Variants in SKI observed in about 807,000 individuals in gnomAD.
SKI encodes the protein ski oncogene.
A neutral mutation model predicts 59.3 loss-of-function variants in SKI; 23 were observed. The ratio of observed to expected loss-of-function variants is 0.39; its 90% CI spans 0.28 to 0.55. SKI has a LOEUF of 0.55. SKI is among the 20% of genes least tolerant of loss of function. The probability of loss-of-function intolerance (pLI) is 0.67; values close to 1 mark genes in which losing one functional copy is unlikely to be tolerated. For missense variants in SKI, 1,017 were observed against 1,038.9 expected, an observed-to-expected ratio of 0.98 and a Z score of 0.29; for synonymous variants, 673 against 488.6, an observed-to-expected ratio of 1.38 and a Z score of -4.98.
At chr1:2,273,274 C>A (rs1036851042) in intron 1 of SKI, among the ~76,000 whole-genome samples, 2 of 152,188 alleles carry the variant, frequency 1.3e-5, no homozygotes, top group African/African-American at 4.8e-5. Flanking sequence ...GGAAAGACAG[C>A]AGCTGTGGGG....
intron 1 of SKI, among the ~76,000 whole-genome samples, chr1:2,237,398 A>C (rs1205899354): frequency 6.6e-6 from 1 of 152,128 alleles, no homozygotes. Flanking sequence ...CTTTGATGTC[A>C]GTCTTCTTCT....
rs572568859 is a variant in SKI, at chr1:2,252,093, C to T, written c.969+22358C>T. On this transcript the variant is annotated intron_variant, in intron 1 of 6. Transcript: ENST00000378536. ...GTTTCCTGCCAGGTCTCTGTGCACC[C>T]CCCGGTGAGAGATCTGAGGAGGAGG... is the stretch of plus-strand genomic sequence containing the variant. Among the ~76,000 whole-genome samples, 3 of 152,302 alleles carry T rather than the reference C, an allele frequency of 2.0e-5. No individual in the cohort carries two copies. In the East Asian group the frequency reaches 5.8e-4, roughly 29 times the overall value.
chr1:2,258,837 G>A (rs894612173), intron 1 of SKI, among the ~76,000 whole-genome samples: 13 of 152,148 alleles, frequency 8.5e-5, no homozygotes, highest in Non-Finnish European at 1.6e-4. Flanking sequence ...GTGAGCCACC[G>A]TGCCTGGCGG....
chr1:2,234,214 C>T (rs958563946), intron 1 of SKI, among the ~76,000 whole-genome samples: 1 of 152,170 alleles, frequency 6.6e-6, no homozygotes, highest in East Asian at 1.9e-4. Context: ...GACCTCTGCC[C>T]ACCCCAGCTG....
chr1:2,298,641 T>C (rs982355337), intron 1 of SKI, among the ~76,000 whole-genome samples: 4 of 152,214 alleles, frequency 2.6e-5, no homozygotes, highest in African/African-American at 9.7e-5. Flanking sequence ...GGCTGAAAAC[T>C]CACAGGCAGG....
In SKI at chr1:2,308,068, T is replaced by C. The variant is rs1569872930; in HGVS notation, c.*1303T>C. On this transcript the variant is annotated 3_prime_UTR_variant, in exon 7 of 7. Coordinates refer to ENST00000378536, the MANE Select transcript of SKI (RefSeq NM_003036.4). ...TTTACTCTCACCTGTTTATGCAAAT[T>C]GTATAAGGTTTCTTATGCCCAAGCT... 6.6e-6 allele frequency: 1 copy of C among 152,396 alleles called. No individual in the cohort carries two copies. The highest frequency in any genetic ancestry group is 1.9e-4 in the East Asian group (1 of 5,200). The allele number at this position is 152,396 out of a possible 1,614,324, so 9.4% of individuals were successfully genotyped here. A position where few individuals can be genotyped will look rare whatever the true frequency, so the allele number is the denominator to read the frequency against.
At chr1:2,248,576 T>C (rs1235652829) in intron 1 of SKI, among the ~76,000 whole-genome samples, 2 of 152,126 alleles carry the variant, frequency 1.3e-5, no homozygotes, top group Non-Finnish European at 2.9e-5. Context: ...ACAGGCAGCC[T>C]TTGACCTGAG....
intron 1 of SKI, among the ~76,000 whole-genome samples, chr1:2,242,346 GAGA>G (rs1431002207): frequency 6.6e-6 from 1 of 152,174 alleles, no homozygotes; most frequent in African/African-American, 2.4e-5. Flanking sequence ...TGGGTTGGGG[GAGA>G]AGTACAGTGT....
rs929919361 is a variant in SKI, at chr1:2,270,882, C to T, written c.970-32096C>T. On this transcript the variant is annotated intron_variant, in intron 1 of 6. Coordinates refer to ENST00000378536, the MANE Select transcript of SKI (RefSeq NM_003036.4). The surrounding 1 kb of genome is among the most constrained non-coding windows in gnomAD (Gnocchi z 4.1). The stretch of plus-strand genomic sequence containing the variant: ...TTGTCCCTCTCCTGCCCCAGGGCAC[C>T]TGGCCCTGTCCCGGGCCACCCCAGG... 2.0e-5 allele frequency among the ~76,000 whole-genome samples: 3 copies of T among 152,228 alleles called. No individual in the cohort carries two copies. The highest frequency in any genetic ancestry group is 7.2e-5 in the African/African-American group (3 of 41,464).
At chr1:2,304,721 G>A in intron 5 of SKI, 136 bp downstream of exon 5, 1 of 1,390,830 alleles carries the variant, frequency 7.2e-7, no homozygotes. Context: ...ACCTCAGTGG[G>A]CCTGCCTGGG....
rs1640468374 is a variant in SKI at position 2,303,097 on chromosome 1, C to A, written c.1089C>A (p.Ser363=). 1 of 1,613,306 alleles carries A rather than the reference C, an allele frequency of 6.2e-7. No homozygotes were observed. The highest frequency in any genetic ancestry group is 1.7e-5 in the Admixed American group (1 of 60,030). The change falls in exon 2 of 7, where the codon TCC becomes TCA. Residue 363 remains serine (S), a synonymous_variant. Transcript: ENST00000378536. The surrounding 1 kb of genome is among the most constrained non-coding windows in gnomAD (Gnocchi z 5.6). ...SSWLRTLAGS[S]NKSLGCVHPR... ...GGCTGCGGACCTTGGCCGGCTCTTC[C>A]AATAAGGTGCTGTGGGGCCTGTCGG...
At chr1:2,232,840 TG>T (rs775189326) in intron 1 of SKI, among the ~76,000 whole-genome samples, 1 of 152,162 alleles carries the variant, frequency 6.6e-6, no homozygotes, top group Non-Finnish European at 1.5e-5. Flanking sequence ...ATGTTTTGAG[TG>T]GTACAGGTGG....
intron 1 of SKI, among the ~76,000 whole-genome samples, chr1:2,239,068 G>A (rs1205551384): frequency 6.6e-6 from 1 of 152,146 alleles, no homozygotes; most frequent in Non-Finnish European, 1.5e-5. Flanking sequence ...CGCCTTTCCT[G>A]GCTACAACCC....
chr1:2,229,507 C>T lies in SKI; in HGVS notation c.741C>T (p.Cys247=), dbSNP rs1233598515. The T allele has an allele frequency of 6.2e-7, 1 of 1,611,656 alleles. No homozygotes were observed. The highest frequency in any genetic ancestry group is 1.1e-5 in the South Asian group (1 of 91,082). ...GCCCGAGCGCCGCCTGCATCCAGTG[C>T]CTGGACTGCCGCCTCATGTACCCGC... ...YSSPSAACIQ[C]LDCRLMYPPH... Residue 247 remains cysteine, a synonymous_variant, in exon 1 of 7, where the codon TGC becomes TGT. Coordinates refer to ENST00000378536, the MANE Select transcript of SKI (RefSeq NM_003036.4). The surrounding 1 kb of genome is among the most constrained non-coding windows in gnomAD (Gnocchi z 6.3).
chr1:2,300,706 G>A lies in SKI; in HGVS notation c.970-2272G>A, dbSNP rs141159560. ...CTGCAGAGAGCCCGCCCTGAGAGCCGGGAGTCGCCTGATGAGGGGTCGGCA... is the reference window on the plus strand; with the variant it reads ...CTGCAGAGAGCCCGCCCTGAGAGCCAGGAGTCGCCTGATGAGGGGTCGGCA... On this transcript the variant is annotated intron_variant, in intron 1 of 6. Transcript: ENST00000378536. Among the ~76,000 whole-genome samples, 388 of 152,302 alleles carry A rather than the reference G, an allele frequency of 2.5e-3. 1 individual carries two copies. The highest frequency in any genetic ancestry group is 4.0e-3 in the Non-Finnish European group (270 of 68,018).
Position 2,270,992 on chromosome 1 carries a change from C to A in SKI, c.970-31986C>A, listed in dbSNP as rs376575175. On this transcript the variant is annotated intron_variant, in intron 1 of 6. Coordinates refer to ENST00000378536, the MANE Select transcript of SKI (RefSeq NM_003036.4). The surrounding 1 kb of genome is among the most constrained non-coding windows in gnomAD (Gnocchi z 4.1). Reference sequence around the variant, plus strand: ...GCAAGTGCCTGGCCTCAGGCCTGGGCTGTGGGGATGACTGAGGCCCAGTGA... The same window carrying A: ...GCAAGTGCCTGGCCTCAGGCCTGGGATGTGGGGATGACTGAGGCCCAGTGA... 2.4e-4 allele frequency among the ~76,000 whole-genome samples: 36 copies of A among 152,364 alleles called. No individual in the cohort carries two copies. Among genetic ancestry groups the A allele is most frequent in the African/African-American group, 8.4e-4 (35 of 41,598 alleles).
intron 1 of SKI, among the ~76,000 whole-genome samples, chr1:2,230,135 T>G (rs1263798870): frequency 6.6e-6 from 1 of 152,126 alleles, no homozygotes; most frequent in Admixed American, 6.5e-5. Flanking sequence ...GCCCAGGTCT[T>G]TCTTGGGGTT....
chr1:2,249,346 C>A (rs1639070153), intron 1 of SKI, among the ~76,000 whole-genome samples: 1 of 152,238 alleles, frequency 6.6e-6, no homozygotes. Context: ...GCGTTGCCGG[C>A]CACGCAGACA....
At chr1:2,231,278 G>A (rs551926887) in intron 1 of SKI, among the ~76,000 whole-genome samples, 1 of 152,250 alleles carries the variant, frequency 6.6e-6, no homozygotes, top group South Asian at 2.1e-4. Flanking sequence ...TGTGGCCAAG[G>A]CCTGAGCTGC....
Sources: gnomAD v4.1 joint callset for allele counts (sites outside exome capture counted in the v4.1 genomes callset) on GRCh38, gnomAD v4.1.1 for gene constraint, Gnocchi (gnomAD v3.1) non-coding constraint, MANE v1.5 for transcripts, NCBI Gene and HGNC (gene_info 2026-07-23, HGNC 2026-07-21) for gene names.